CDH8: variants seen among roughly 807,000 people sequenced by gnomAD.
CDH8 encodes cadherin 8.
Under a neutral mutation model 68.1 loss-of-function variants are expected in CDH8, and 17 were observed. That is an observed-to-expected ratio of 0.25 (90% confidence interval 0.17 to 0.37). The LOEUF (loss-of-function observed/expected upper bound fraction) is 0.37. CDH8 is among the 10% of genes least tolerant of loss of function. CDH8 has a pLI of 1.00. For synonymous variants in CDH8, 372 were observed against 365.1 expected (o/e 1.02, Z -0.21); for missense variants, 763 against 999.3 (o/e 0.76, Z 3.19).
At chr16:62,009,753 A>G (rs1393791977) in intron 2 of CDH8, among the ~76,000 whole-genome samples, 1 of 152,218 alleles carries the variant, frequency 6.6e-6, no homozygotes, top group East Asian at 1.9e-4. Context: ...CAAGCCAGTG[A>G]GAATTTACTT....
intron 1 of CDH8, among the ~76,000 whole-genome samples, chr16:62,023,680 C>T (rs1456138944): frequency 6.6e-6 from 1 of 152,060 alleles, no homozygotes; most frequent in Non-Finnish European, 1.5e-5. Context: ...GAGGGTGTCA[C>T]AAAGTTACGC....
intron 10 of CDH8, among the ~76,000 whole-genome samples, chr16:61,678,117 A>C (rs541867598): frequency 6.6e-6 from 1 of 152,044 alleles, no homozygotes; most frequent in Admixed American, 6.6e-5. Flanking sequence ...TATAACCTGG[A>C]ATCTCCCACC....
intron 3 of CDH8, among the ~76,000 whole-genome samples, chr16:61,872,670 C>T (rs1597032644): frequency 6.6e-6 from 1 of 152,258 alleles, no homozygotes; most frequent in East Asian, 1.9e-4. Flanking sequence ...CATAAAGAGT[C>T]CTGTCCAGCT....
At position 61,653,084 on chromosome 16, in the gene CDH8, T is replaced by C; in HGVS notation, c.*524A>G. The stretch of plus-strand genomic sequence containing the variant: ...AATGTGTGGTCACCGTACTGTATAA[T>C]CTAGGAGGCCTCTCAAAACTCCAAA... On this transcript the variant is annotated 3_prime_UTR_variant, in exon 12 of 12. Transcript: ENST00000577390. 1 of 1,270,854 alleles carries C rather than the reference T, an allele frequency of 7.9e-7. No homozygotes were observed. Among genetic ancestry groups the C allele is most frequent in the Non-Finnish European group, 9.9e-7 (1 of 1,009,690 alleles). 78.7% of individuals were successfully genotyped at this position (1,270,854 alleles called of 1,614,324 possible). A position where few individuals can be genotyped will look rare whatever the true frequency, so the allele number is the denominator to read the frequency against.
chr16:61,684,253 G>C (rs912218783), intron 10 of CDH8, among the ~76,000 whole-genome samples: 3 of 151,944 alleles, frequency 2.0e-5, no homozygotes, highest in African/African-American at 4.8e-5. Context: ...GGTTAAGAAA[G>C]AGAATCAAAA....
At chr16:61,972,047 G>T (rs773335120) in intron 2 of CDH8, among the ~76,000 whole-genome samples, 1 of 152,082 alleles carries the variant, frequency 6.6e-6, no homozygotes, top group Admixed American at 6.6e-5. Flanking sequence ...TAATCCCCAC[G>T]TGTCAGGGTG....
At chr16:62,023,988 C>T (rs74907403) in intron 1 of CDH8, among the ~76,000 whole-genome samples, 6,924 of 152,176 alleles carry the variant, frequency 0.045, 533 homozygotes, top group African/African-American at 0.16. Flanking sequence ...GCTGGGCGTG[C>T]ACCACCATGC....
chr16:62,033,179 CTGTT>C (rs1416180891), intron 1 of CDH8, among the ~76,000 whole-genome samples: 4 of 152,152 alleles, frequency 2.6e-5, no homozygotes, highest in Admixed American at 2.0e-4. Context: ...CATTCCTGGG[CTGTT>C]TGTTTGTTTT....
At chr16:61,789,567 G>C (rs1961329468) in intron 7 of CDH8, 85 bp from the exon 8 acceptor site, 1 of 1,256,900 alleles carries the variant, frequency 8.0e-7, no homozygotes, top group African/African-American at 1.6e-5. Context: ...TCCTTGGAGA[G>C]CCATATTTGT....
chr16:61,710,591 A>G (rs1274024212), intron 10 of CDH8, among the ~76,000 whole-genome samples: 2 of 152,062 alleles, frequency 1.3e-5, no homozygotes, highest in East Asian at 3.9e-4. Context: ...AACTAAATCC[A>G]GGTCCCCTGT....
chr16:61,986,168 C>T (rs1207940684), intron 2 of CDH8, among the ~76,000 whole-genome samples: 1 of 152,038 alleles, frequency 6.6e-6, no homozygotes, highest in Non-Finnish European at 1.5e-5. Context: ...AGGTGATCTG[C>T]CTGCCTCAGC....
chr16:61,990,990 A>G (rs1965710824), intron 2 of CDH8, among the ~76,000 whole-genome samples: 3 of 151,724 alleles, frequency 2.0e-5, no homozygotes, highest in African/African-American at 4.8e-5. Context: ...AGGAAGGAAG[A>G]AAGGGAGGAA....
intron 3 of CDH8, among the ~76,000 whole-genome samples, chr16:61,858,990 G>T (rs1229999972): frequency 6.6e-6 from 1 of 152,086 alleles, no homozygotes; most frequent in African/African-American, 2.4e-5. Flanking sequence ...CTGAAATAGG[G>T]TAGAACTTTA....
chr16:61,692,112 A>G (rs1964236665), intron 10 of CDH8: 1 of 152,124 alleles, frequency 6.6e-6, no homozygotes, highest in South Asian at 2.1e-4. Flanking sequence ...ATGAACGGGG[A>G]CACAACCAGG....
Position 61,652,733 on chromosome 16 carries a change from A to C in CDH8, c.*875T>G, listed in dbSNP as rs1963349198. The C allele has an allele frequency of 1.5e-6, 2 of 1,292,608 alleles. No individual in the cohort carries two copies. Among genetic ancestry groups the C allele is most frequent in the African/African-American group, 1.5e-5 (1 of 66,064 alleles). The allele number at this position is 1,292,608 out of a possible 1,614,324, so 80.1% of individuals were successfully genotyped here. ...TATAGATTACCGACCTTAATAAATA[A>C]AAGCATTAATGGACATCAATAAAAT... On this transcript the variant is annotated 3_prime_UTR_variant, in exon 12 of 12. Transcript: ENST00000577390.
At chr16:61,850,932 A>G (rs1347615902) in intron 4 of CDH8, among the ~76,000 whole-genome samples, 2 of 152,060 alleles carry the variant, frequency 1.3e-5, no homozygotes, top group Non-Finnish European at 2.9e-5. Context: ...GCATGTAGAT[A>G]TTGACTAAGC....
Position 61,653,018 on chromosome 16 carries a change from T to A in CDH8, c.*590A>T, listed in dbSNP as rs947263848. ...TAAGGCTCGACACAATATTTAAAGA[T>A]GCTATTCAGTCTCTAGTGAGTGGGG... On this transcript the variant is annotated 3_prime_UTR_variant, in exon 12 of 12. Coordinates refer to ENST00000577390, the MANE Select transcript of CDH8 (RefSeq NM_001796.5). 6.9e-7 allele frequency: 1 copy of A among 1,440,926 alleles called. No homozygotes were observed. Among genetic ancestry groups the A allele is most frequent in the Admixed American group, 2.5e-5 (1 of 40,568 alleles). The allele number at this position is 1,440,926 out of a possible 1,614,324, so 89.3% of individuals were successfully genotyped here.
chr16:61,795,975 A>G (rs1238910308), intron 7 of CDH8, among the ~76,000 whole-genome samples: 1 of 152,006 alleles, frequency 6.6e-6, no homozygotes, highest in Non-Finnish European at 1.5e-5. Context: ...CATTTGCCTG[A>G]CCTTTGCTCT....
chr16:61,694,621 G>T (rs1964291787), intron 10 of CDH8, among the ~76,000 whole-genome samples: 3 of 152,116 alleles, frequency 2.0e-5, no homozygotes, highest in Admixed American at 2.0e-4. Context: ...GTAAGATAGG[G>T]TGATGGGATA....
Sources: allele counts gnomAD v4.1 joint callset (sites outside exome capture counted in the v4.1 genomes callset), GRCh38; gene constraint gnomAD v4.1.1; transcripts MANE v1.5; gene names NCBI Gene and HGNC (gene_info 2026-07-23, HGNC 2026-07-21).